ZC3H8: variants seen among roughly 807,000 people sequenced by gnomAD.
ZC3H8 encodes the protein zinc finger CCCH domain-containing protein 8.
Under a neutral mutation model 42.5 loss-of-function variants are expected in ZC3H8, and 27 were observed. The ratio of observed to expected loss-of-function variants is 0.64; its 90% CI spans 0.47 to 0.88. The LOEUF (loss-of-function observed/expected upper bound fraction) is 0.88, where lower values mean the gene tolerates loss of function less well. Among genes scored for constraint, ZC3H8 ranks in the 40% least tolerant of loss-of-function variants. The pLI is 0.00. For synonymous variants in ZC3H8, 101 were observed against 110.1 expected, an observed-to-expected ratio of 0.92 and a Z score of 0.52; for missense variants, 277 against 336.1, an observed-to-expected ratio of 0.82 and a Z score of 1.37.
Position 112,217,841 on chromosome 2 carries a change from C to T in ZC3H8, c.*16-1373G>A, listed in dbSNP as rs375409384. Reference sequence around the variant, plus strand: ...CATTTCTGAAAAAGTTCCTGTCAAACATCTATATCTGAAAAAAAATGTTGC... The same window carrying T: ...CATTTCTGAAAAAGTTCCTGTCAAATATCTATATCTGAAAAAAAATGTTGC... On this transcript the variant is annotated intron_variant, in intron 8 of 8. Coordinates refer to ENST00000409573, the MANE Select transcript of ZC3H8 (RefSeq NM_032494.3). Among the ~76,000 whole-genome samples, 4 of 152,222 alleles carry T rather than the reference C, an allele frequency of 2.6e-5. No homozygotes were observed. In the East Asian group the frequency reaches 5.8e-4, roughly 22 times the overall value.
At chr2:112,223,391 G>GAATAA in intron 8 of ZC3H8, among the ~76,000 whole-genome samples, 1 of 151,736 alleles carries the variant, frequency 6.6e-6, no homozygotes, top group African/African-American at 2.4e-5. Context: ...CTCAAGAATA[G>GAATAA]AATAAAATAA....
At position 112,231,902 on chromosome 2, in the gene ZC3H8, T is replaced by C; in HGVS notation, c.779A>G (p.Gln260Arg). 6.3e-7 allele frequency: 1 copy of C among 1,588,896 alleles called. No homozygotes were observed. The highest frequency in any genetic ancestry group is 1.1e-5 in the South Asian group (1 of 86,982). The change falls in exon 7 of 9, where the codon CAG becomes CGG. Residue 260 changes from glutamine to arginine, a missense_variant. Transcript: ENST00000409573. Reference protein sequence around the residue: ...KFYHTGTKCYQGEYCKFSHAP... With the variant: ...KFYHTGTKCYRGEYCKFSHAP... The stretch of plus-strand genomic sequence containing the variant: ...ATGAGAAAACTTGCAGTATTCTCCC[T>C]GATAACATTTTGTTCCTGTATGGTA...
At chr2:112,233,771 A>G (rs1321729990) in intron 5 of ZC3H8, among the ~76,000 whole-genome samples, 1 of 152,140 alleles carries the variant, frequency 6.6e-6, no homozygotes, top group Non-Finnish European at 1.5e-5. Context: ...TGGGAGGCTG[A>G]GGCAGGAGAA....
At chr2:112,221,959 T>A (rs1684608003) in intron 8 of ZC3H8, among the ~76,000 whole-genome samples, 1 of 152,036 alleles carries the variant, frequency 6.6e-6, no homozygotes, top group Admixed American at 6.6e-5. Flanking sequence ...GTTGCCAGAG[T>A]TCTTATGCTG....
At chr2:112,219,019 T>C (rs895039321) in intron 8 of ZC3H8, among the ~76,000 whole-genome samples, 3 of 152,200 alleles carry the variant, frequency 2.0e-5, no homozygotes, top group Non-Finnish European at 4.4e-5. Context: ...AAGATGTTAT[T>C]ACTACCCAAA....
Position 112,212,643 on chromosome 2 carries a change from CA to C in ZC3H8, c.*3840del, listed in dbSNP as rs1332171215. 1 of 152,164 alleles carries C rather than the reference CA, an allele frequency of 6.6e-6. No individual in the cohort carries two copies. The highest frequency in any genetic ancestry group is 2.4e-5 in the African/African-American group (1 of 41,432). The allele number at this position is 152,164 out of a possible 1,614,324, so 9.4% of individuals were successfully genotyped here. On this transcript the variant is annotated 3_prime_UTR_variant, in exon 9 of 9. Coordinates refer to ENST00000409573, the MANE Select transcript of ZC3H8 (RefSeq NM_032494.3). ...TCTAAGACTGGTTAAGTCCATGGCT[CA>C]GCTGTTATCAAGGATCCAGCTTCTT...
chr2:112,252,894 A>T (rs896156059), intron 1 of ZC3H8, among the ~76,000 whole-genome samples: 1 of 152,236 alleles, frequency 6.6e-6, no homozygotes, highest in Non-Finnish European at 1.5e-5. Context: ...CTGTAATCCC[A>T]GCACTTTGGG....
chr2:112,254,508 A>C (rs1686058917), intron 1 of ZC3H8, among the ~76,000 whole-genome samples: 2 of 152,234 alleles, frequency 1.3e-5, no homozygotes, highest in Admixed American at 6.5e-5. Context: ...GAAAAAGGTC[A>C]CATCAGTGTC....
At chr2:112,229,074 T>C (rs1283470113) in intron 8 of ZC3H8, among the ~76,000 whole-genome samples, 2 of 152,130 alleles carry the variant, frequency 1.3e-5, no homozygotes, top group Admixed American at 6.5e-5. Flanking sequence ...ATTAAGATAG[T>C]ATATACTGGA....
chr2:112,217,821 C>A (rs1222123655), intron 8 of ZC3H8, among the ~76,000 whole-genome samples: 1 of 152,138 alleles, frequency 6.6e-6, no homozygotes, highest in Non-Finnish European at 1.5e-5. Context: ...CTGTTCATTT[C>A]TGAAAAAGTT....
At position 112,254,976 on chromosome 2, in the gene ZC3H8, AT is replaced by A; in HGVS notation, c.5del (p.Asp2ValfsTer29). On this transcript the variant is annotated frameshift_variant, in exon 1 of 9. Coordinates refer to ENST00000409573, the MANE Select transcript of ZC3H8 (RefSeq NM_032494.3). LOFTEE classifies it high-confidence loss of function. The stretch of plus-strand genomic sequence containing the variant: ...GGGGTTTTGAGAAAAGATTCTCAAA[AT>A]CCATGACCCAGACAGGTCCTCCCTT... Reference protein sequence around the residue: MDFENLFSKPPN... With the variant: MXFENLFSKPPN... 1 of 1,609,448 alleles carries A rather than the reference AT, an allele frequency of 6.2e-7. No individual in the cohort carries two copies. The highest frequency in any genetic ancestry group is 2.2e-5 in the East Asian group (1 of 44,734).
intron 7 of ZC3H8, among the ~76,000 whole-genome samples, chr2:112,231,265 T>C (rs1443484841): frequency 1.3e-5 from 2 of 152,164 alleles, no homozygotes; most frequent in Non-Finnish European, 1.5e-5. Flanking sequence ...CAAGGGAACA[T>C]TTTGCCAGAA....
At chr2:112,233,698 C>G (rs1168990034) in intron 5 of ZC3H8, among the ~76,000 whole-genome samples, 2 of 151,856 alleles carry the variant, frequency 1.3e-5, no homozygotes, top group African/African-American at 2.4e-5. Flanking sequence ...AAACCTCGTC[C>G]CTACTAACAA....
intron 8 of ZC3H8, among the ~76,000 whole-genome samples, chr2:112,225,914 T>C (rs965154761): frequency 1.3e-5 from 2 of 151,836 alleles, no homozygotes; most frequent in Non-Finnish European, 2.9e-5. Flanking sequence ...AAACCCCATC[T>C]CTACTAAAAA....
intron 8 of ZC3H8, among the ~76,000 whole-genome samples, chr2:112,218,780 GAA>G (rs1684448167): frequency 6.6e-6 from 1 of 152,118 alleles, no homozygotes; most frequent in Non-Finnish European, 1.5e-5. Context: ...TTTGAGGAGT[GAA>G]AAGTTATATG....
At chr2:112,231,141 A>T (rs1685070571) in intron 7 of ZC3H8, among the ~76,000 whole-genome samples, 191 bp from the exon 8 acceptor site, 2 of 152,140 alleles carry the variant, frequency 1.3e-5, no homozygotes, top group African/African-American at 4.8e-5. Context: ...ATTTCACACA[A>T]ATAAACAACT....
intron 8 of ZC3H8, among the ~76,000 whole-genome samples, chr2:112,216,949 T>G (rs1684352848): frequency 6.6e-6 from 1 of 152,164 alleles, no homozygotes; most frequent in Admixed American, 6.5e-5. Flanking sequence ...AAACATTTGG[T>G]AATTTCAACA....
At chr2:112,221,243 G>A (rs748173760) in intron 8 of ZC3H8, among the ~76,000 whole-genome samples, 1 of 152,108 alleles carries the variant, frequency 6.6e-6, no homozygotes, top group Non-Finnish European at 1.5e-5. Flanking sequence ...GATAATGGGG[G>A]CAGATTTCTC....
chr2:112,226,326 C>T (rs1160988933), intron 8 of ZC3H8, among the ~76,000 whole-genome samples: 4 of 151,814 alleles, frequency 2.6e-5, no homozygotes, highest in East Asian at 1.9e-4. Context: ...CGGTAGCTCA[C>T]GCCTGTAATC....
Sources: allele counts gnomAD v4.1 joint callset (sites outside exome capture counted in the v4.1 genomes callset), GRCh38; gene constraint gnomAD v4.1.1; transcripts MANE v1.5; gene names NCBI Gene and HGNC (gene_info 2026-07-23, HGNC 2026-07-21).